Variants in DYSF observed in about 807,000 individuals in gnomAD.
The protein encoded by DYSF is dysferlin.
DYSF carries 212 observed loss-of-function variants against 274.9 expected under a neutral mutation model. The ratio of observed to expected loss-of-function variants is 0.77; its 90% CI spans 0.69 to 0.86. DYSF has a LOEUF of 0.86. Ranked by LOEUF, DYSF falls within the 40% of genes least tolerant of loss-of-function variation. The probability of loss-of-function intolerance (pLI) is 0.00; values close to 1 mark genes in which losing one functional copy is unlikely to be tolerated. For missense variants in DYSF, 2,666 were observed against 2,783.2 expected, an observed-to-expected ratio of 0.96 and a Z score of 0.95; for synonymous variants, 1,091 against 1,078.7, an observed-to-expected ratio of 1.01 and a Z score of -0.22.
At chr2:71,548,502 G>A (rs1486685488) in intron 17 of DYSF, among the ~76,000 whole-genome samples, 1 of 152,202 alleles carries the variant, frequency 6.6e-6, no homozygotes, top group Non-Finnish European at 1.5e-5. Flanking sequence ...ATCAGATTTG[G>A]GAAGAGGCAG....
At chr2:71,555,619 G>A (rs927768034) in intron 21 of DYSF, among the ~76,000 whole-genome samples, 3 of 152,156 alleles carry the variant, frequency 2.0e-5, no homozygotes, top group Non-Finnish European at 2.9e-5. Flanking sequence ...GAGCAGGCTC[G>A]GAGAGGGCCA....
At chr2:71,557,939 G>A (rs1207124892) in intron 22 of DYSF, among the ~76,000 whole-genome samples, 3 of 151,944 alleles carry the variant, frequency 2.0e-5, no homozygotes, top group Admixed American at 1.3e-4. Flanking sequence ...GGCTGAGACA[G>A]CAGAATTGCT....
chr2:71,513,643 G>A, intron 6 of DYSF, 73 bp from the exon 7 acceptor site: 4 of 1,525,342 alleles, frequency 2.6e-6, no homozygotes, highest in Non-Finnish European at 3.6e-6. Context: ...CTGCCCCCTG[G>A]GCTGGGTCCC....
chr2:71,674,412 T>C lies in DYSF; in HGVS notation c.5884+116T>C. On this transcript the variant is annotated intron_variant, in intron 52 of 55. Coordinates refer to ENST00000410020, the MANE Select transcript of DYSF (RefSeq NM_001130987.2). ...AGCCTAGCAGGAGGAGTGATCCCAC[T>C]TTCTGCTTTCAGGGAGCTCAGGGTC... 6 of 990,418 alleles carry C rather than the reference T, an allele frequency of 6.1e-6. No homozygotes were observed. In the South Asian group the frequency reaches 8.1e-5, roughly 13 times the overall value. The allele number at this position is 990,418 out of a possible 1,614,324, so 61.4% of individuals were successfully genotyped here. A position where few individuals can be genotyped will look rare whatever the true frequency, so the allele number is the denominator to read the frequency against.
intron 41 of DYSF, among the ~76,000 whole-genome samples, chr2:71,623,780 T>C (rs1156620493): frequency 6.6e-6 from 1 of 151,816 alleles, no homozygotes; most frequent in Non-Finnish European, 1.5e-5. Flanking sequence ...AAAAAAAAAA[T>C]CAAAAGCAAG....
chr2:71,570,816 T>A (rs1559186900), intron 29 of DYSF, 75 bp downstream of exon 29: 2 of 1,593,830 alleles, frequency 1.3e-6, no homozygotes, highest in East Asian at 4.5e-5. Flanking sequence ...CAGACCTGCA[T>A]GCCCACAGAC....
intron 30 of DYSF, among the ~76,000 whole-genome samples, chr2:71,582,448 G>A (rs1022726920): frequency 6.6e-6 from 1 of 152,196 alleles, no homozygotes; most frequent in East Asian, 1.9e-4. Flanking sequence ...AAGCCAAGTA[G>A]TAATTGTTTA....
At chr2:71,685,065 C>T (rs932255667) in intron 55 of DYSF, among the ~76,000 whole-genome samples, 1 of 152,240 alleles carries the variant, frequency 6.6e-6, no homozygotes, top group Non-Finnish European at 1.5e-5. Flanking sequence ...TGCTAGGCTA[C>T]TGGGCAGCAG....
At chr2:71,488,821 G>A (rs898751884) in intron 3 of DYSF, among the ~76,000 whole-genome samples, 2 of 152,082 alleles carry the variant, frequency 1.3e-5, no homozygotes, top group Non-Finnish European at 2.9e-5. Flanking sequence ...GGGCACTGAG[G>A]GGCCTCTCAC....
intron 40 of DYSF, among the ~76,000 whole-genome samples, chr2:71,618,415 G>GTGTTTGTGTGGGGTAGAGT (rs1558640048): frequency 3.0e-4 from 5 of 16,904 alleles, no homozygotes; most frequent in African/African-American, 2.0e-4. Context: ...TAGAGGTGGT[G>GTGTTTGTGTGGGGTAGAGT]TGTGTGTGGT....
intron 15 of DYSF, 78 bp downstream of exon 15, chr2:71,535,167 C>T: frequency 6.2e-7 from 1 of 1,602,744 alleles, no homozygotes; most frequent in Non-Finnish European, 8.5e-7. Context: ...TCCTGCCTCC[C>T]CAGCATCCTG....
intron 39 of DYSF, 28 bp from the exon 40 acceptor site, chr2:71,613,306 C>A (rs778974443): frequency 6.3e-7 from 1 of 1,599,792 alleles, no homozygotes; most frequent in Admixed American, 1.7e-5. Flanking sequence ...GAGCCCCTCT[C>A]AGGCCTGGAT....
In DYSF at chr2:71,566,636, G is replaced by A. The variant is rs115731837; in HGVS notation, c.2566-1315G>A. Among the ~76,000 whole-genome samples, 1,042 of 152,294 alleles carry A rather than the reference G, an allele frequency of 6.8e-3. 15 individuals are homozygous for A. Among genetic ancestry groups the A allele is most frequent in the African/African-American group, 0.024 (989 of 41,578 alleles). On this transcript the variant is annotated intron_variant, in intron 24 of 55. Transcript: ENST00000410020. Reference sequence around the variant, plus strand: ...TCGGGGAGGACAGGGGAGAGAGCCGGGGGTGGATGGGGGAAGTGGGGGTCA... The same window carrying A: ...TCGGGGAGGACAGGGGAGAGAGCCGAGGGTGGATGGGGGAAGTGGGGGTCA...
In DYSF at chr2:71,665,496, C is replaced by T. The variant is rs17007169; in HGVS notation, c.5317+192C>T. ...GAGGATCAGTACTGACCTGTGATGCCACTGTGAAAATTAGAGGTCAGGGCA... is the reference window on the plus strand; with the variant it reads ...GAGGATCAGTACTGACCTGTGATGCTACTGTGAAAATTAGAGGTCAGGGCA... On this transcript the variant is annotated intron_variant, in intron 47 of 55. Transcript: ENST00000410020. 5.8e-3 allele frequency among the ~76,000 whole-genome samples: 886 copies of T among 152,202 alleles called. 15 individuals carry two copies. Among genetic ancestry groups the T allele is most frequent in the African/African-American group, 0.02 (828 of 41,504 alleles).
chr2:71,597,329 G>A (rs1398577348), intron 32 of DYSF, among the ~76,000 whole-genome samples: 1 of 152,178 alleles, frequency 6.6e-6, no homozygotes, highest in Non-Finnish European at 1.5e-5. Context: ...GCATGGTTAG[G>A]CACTGGGTTC....
At chr2:71,555,786 C>T (rs762271365) in intron 21 of DYSF, among the ~76,000 whole-genome samples, 179 bp from the exon 22 acceptor site, 12 of 152,122 alleles carry the variant, frequency 7.9e-5, no homozygotes, top group Non-Finnish European at 7.3e-5. Context: ...GCGTGGGGAG[C>T]CTTGGAAGGT....
At chr2:71,520,259 G>T (rs533852866) in intron 11 of DYSF, 51 bp downstream of exon 11, 1 of 1,599,266 alleles carries the variant, frequency 6.3e-7, no homozygotes, top group South Asian at 1.1e-5. Context: ...TCTGGAGGCT[G>T]ATTGGGGACA....
intron 19 of DYSF, among the ~76,000 whole-genome samples, chr2:71,552,369 A>C (rs1037808806): frequency 6.6e-6 from 1 of 152,218 alleles, no homozygotes; most frequent in Non-Finnish European, 1.5e-5. Flanking sequence ...GAATTAAGGA[A>C]ATTAATACAC....
intron 41 of DYSF, among the ~76,000 whole-genome samples, chr2:71,642,824 C>T (rs1192582848): frequency 6.6e-6 from 1 of 152,154 alleles, no homozygotes; most frequent in Admixed American, 6.5e-5. Flanking sequence ...AGCTGGAGCT[C>T]AGAGCACTTG....
Sources: allele counts gnomAD v4.1 joint callset (sites outside exome capture counted in the v4.1 genomes callset), GRCh38; gene constraint gnomAD v4.1.1; transcripts MANE v1.5; gene names NCBI Gene and HGNC (gene_info 2026-07-23, HGNC 2026-07-21).